CHIC2: variants seen among roughly 807,000 people sequenced by gnomAD.
The protein encoded by CHIC2 is cysteine rich hydrophobic domain 2.
CHIC2 carries 14 observed loss-of-function variants against 25.9 expected under a neutral mutation model. The observed-to-expected ratio is 0.54, with a 90% CI of 0.36 to 0.85. CHIC2 has a LOEUF of 0.85. CHIC2 is among the 40% of genes least tolerant of loss of function. CHIC2 has a pLI of 0.01. For synonymous variants in CHIC2, 70 were observed against 72.0 expected (o/e 0.97, Z 0.14); for missense variants, 146 against 202.0 (o/e 0.72, Z 1.68).
At chr4:54,090,059 C>T in the CHIC2 span, among the ~76,000 whole-genome samples, 1 of 152,108 alleles carries the variant, frequency 6.6e-6, no homozygotes, top group South Asian at 2.1e-4. Context: ...TCCAAGATAT[C>T]TCATTATATA....
At chr4:54,043,665 G>A (rs897752610) in intron 3 of CHIC2, among the ~76,000 whole-genome samples, 2 of 152,112 alleles carry the variant, frequency 1.3e-5, no homozygotes, top group African/African-American at 2.4e-5. Context: ...ACTAAACATG[G>A]AAAGGAACAA....
In CHIC2 at chr4:54,049,031, C is replaced by T; in HGVS notation, c.254G>A (p.Trp85Ter). The change falls in exon 3 of 6, where the codon TGG becomes TAG. Residue 85 changes from tryptophan to a stop codon, truncating the protein, a stop_gained. Transcript: ENST00000263921. LOFTEE classifies it high-confidence loss of function. ...GCAACAAAGGCAGCCACAAAGTAGC[C>T]AACGTACATTAACAGGAAGGTTCTT... ...LKKNLPVNVR[W>*]LLCGCLCCCC... 6.2e-7 allele frequency: 1 copy of T among 1,611,552 alleles called. No individual in the cohort carries two copies. The highest frequency in any genetic ancestry group is 8.5e-7 in the Non-Finnish European group (1 of 1,178,666).
chr4:54,029,308 CA>C (rs946513439), intron 3 of CHIC2, among the ~76,000 whole-genome samples: 2 of 152,036 alleles, frequency 1.3e-5, no homozygotes, highest in African/African-American at 4.8e-5. Context: ...TACATTAGAA[CA>C]GTATAAACAT....
Position 54,056,814 on chromosome 4 carries a change from T to G in CHIC2, c.119+7368A>C, listed in dbSNP as rs546717323. Reference sequence around the variant, plus strand: ...AAATGTAAGATATAAAAAACACAATTTTTTTCCTCAAATCTAATGAATCAT... The same window carrying G: ...AAATGTAAGATATAAAAAACACAATGTTTTTCCTCAAATCTAATGAATCAT... On this transcript the variant is annotated intron_variant, in intron 1 of 5. Coordinates refer to ENST00000263921, the MANE Select transcript of CHIC2 (RefSeq NM_012110.4). Among the ~76,000 whole-genome samples the G allele has an allele frequency of 5.9e-5, 9 of 152,236 alleles. No individual in the cohort carries two copies. In the East Asian group the frequency reaches 1.7e-3, roughly 29 times the overall value.
At chr4:54,087,568 T>A in the CHIC2 span, 1 of 1,104,680 alleles carries the variant, frequency 9.1e-7, no homozygotes, top group Non-Finnish European at 1.2e-6. Flanking sequence ...CTCACCCTGA[T>A]GCTCCTGTGT....
the CHIC2 span, chr4:54,087,709 G>A: frequency 3.8e-6 from 2 of 532,246 alleles, no homozygotes; most frequent in Non-Finnish European, 6.7e-6. Flanking sequence ...AAAATATCTG[G>A]CAAAGAATTC....
the CHIC2 span, among the ~76,000 whole-genome samples, chr4:54,074,894 G>A: frequency 2.6e-5 from 4 of 152,120 alleles, no homozygotes; most frequent in Admixed American, 6.5e-5. Context: ...AATTGTTTGA[G>A]CCCAGGAGTT....
At chr4:54,073,333 A>G in the CHIC2 span, among the ~76,000 whole-genome samples, 2 of 152,212 alleles carry the variant, frequency 1.3e-5, no homozygotes, top group Non-Finnish European at 2.9e-5. Flanking sequence ...AAGCCATTCT[A>G]TAGTTCCCTC....
At chr4:54,040,827 G>C (rs1166610131) in intron 3 of CHIC2, among the ~76,000 whole-genome samples, 2 of 151,272 alleles carry the variant, frequency 1.3e-5, no homozygotes, top group African/African-American at 2.4e-5. Context: ...GCTGTGAGTA[G>C]AGATCATGCC....
chr4:54,069,153 G>A (rs140134739), upstream of CHIC2, among the ~76,000 whole-genome samples: 10 of 152,104 alleles, frequency 6.6e-5, no homozygotes, highest in East Asian at 1.9e-4. Flanking sequence ...TCAGCTTCCC[G>A]AGTAGCTGGG....
intron 3 of CHIC2, among the ~76,000 whole-genome samples, chr4:54,021,802 T>C (rs1450280551): frequency 2.6e-5 from 4 of 152,026 alleles, no homozygotes; most frequent in Non-Finnish European, 5.9e-5. Context: ...TTATTCTCAA[T>C]ATACATTTTA....
intron 3 of CHIC2, among the ~76,000 whole-genome samples, chr4:54,045,461 G>T (rs929623477): frequency 1.3e-5 from 2 of 152,014 alleles, no homozygotes; most frequent in Non-Finnish European, 2.9e-5. Context: ...ATGATCAAGT[G>T]GGCTTCATCC....
chr4:54,039,412 T>G (rs377378405), intron 3 of CHIC2, among the ~76,000 whole-genome samples: 63 of 152,206 alleles, frequency 4.1e-4, no homozygotes, highest in African/African-American at 1.4e-3. Context: ...GCAAAATATT[T>G]CAATGAACAC....
chr4:54,065,414 A>G (rs917443522), upstream of CHIC2: 1 of 633,910 alleles, frequency 1.6e-6, no homozygotes, highest in Non-Finnish European at 2.0e-6. Context: ...TCCTTTTCTT[A>G]CCAGTTCCTA....
At chr4:54,043,965 T>C (rs539835559) in intron 3 of CHIC2, among the ~76,000 whole-genome samples, 328 of 152,106 alleles carry the variant, frequency 2.2e-3, no homozygotes, top group Non-Finnish European at 3.4e-3. Context: ...GAAGATCTAC[T>C]AAGCAAATGG....
In CHIC2 at chr4:54,055,578, C is replaced by G. The variant is rs369575852; in HGVS notation, c.120-6273G>C. Among the ~76,000 whole-genome samples the G allele has an allele frequency of 9.3e-4, 142 of 152,190 alleles. 3 individuals carry two copies. The South Asian group carries it at 0.028, about 30-fold the overall frequency. ...TTCCACCTGTACAAATCTATAGATA[C>G]AGAGAATTTTTATGTTCCTACAGAT... On this transcript the variant is annotated intron_variant, in intron 1 of 5. Coordinates refer to ENST00000263921, the MANE Select transcript of CHIC2 (RefSeq NM_012110.4).
chr4:54,078,030 T>A, the CHIC2 span, among the ~76,000 whole-genome samples: 1 of 152,224 alleles, frequency 6.6e-6, no homozygotes, highest in African/African-American at 2.4e-5. Context: ...TAAGTCAAAA[T>A]TTTTTTGATG....
chr4:54,049,218 G>T, intron 2 of CHIC2, 33 bp downstream of exon 2: 1 of 1,570,764 alleles, frequency 6.4e-7, no homozygotes, highest in Non-Finnish European at 8.7e-7. Context: ...TTCATTTTGA[G>T]GCATACAAAT....
chr4:54,039,325 T>A (rs13103113), intron 3 of CHIC2, among the ~76,000 whole-genome samples: 40,592 of 152,078 alleles, frequency 0.27, 6,337 homozygotes, highest in Middle Eastern at 0.4. Flanking sequence ...TATTAGCACG[T>A]ATCTGCCAGG....
Sources: allele counts gnomAD v4.1 joint callset (sites outside exome capture counted in the v4.1 genomes callset), GRCh38; gene constraint gnomAD v4.1.1; transcripts MANE v1.5; gene names NCBI Gene and HGNC (gene_info 2026-07-23, HGNC 2026-07-21).